ATXN1: variants seen among roughly 807,000 people sequenced by gnomAD.
ATXN1 encodes the protein ataxin 1.
A neutral mutation model predicts 56.4 loss-of-function variants in ATXN1; 8 were observed. The ratio of observed to expected loss-of-function variants is 0.14; its 90% CI spans 0.08 to 0.26. The LOEUF is 0.26. Among genes scored for constraint, ATXN1 ranks in the 10% least tolerant of loss-of-function variants. The pLI is 1.00. For missense variants in ATXN1, 987 were observed against 1,106.5 expected, an observed-to-expected ratio of 0.89 and a Z score of 1.53; for synonymous variants, 514 against 494.6, an observed-to-expected ratio of 1.04 and a Z score of -0.52.
intron 6 of ATXN1, among the ~76,000 whole-genome samples, chr6:16,390,447 A>G (rs757575160): frequency 5.3e-5 from 8 of 151,970 alleles, no homozygotes; most frequent in South Asian, 4.2e-4. Context: ...TACTATTTCC[A>G]TAACTGCCCA....
intron 6 of ATXN1, among the ~76,000 whole-genome samples, chr6:16,331,076 C>T (rs1406060495): frequency 6.6e-6 from 1 of 152,138 alleles, no homozygotes; most frequent in African/African-American, 2.4e-5. Context: ...TCTCGGCTCA[C>T]TGCAACCTCC....
intron 6 of ATXN1, among the ~76,000 whole-genome samples, chr6:16,332,352 AAAG>A (rs529707470): frequency 5.2e-4 from 79 of 152,352 alleles, no homozygotes; most frequent in African/African-American, 1.8e-3. Flanking sequence ...ACTAAACAAC[AAAG>A]AAGTAACTTA....
Position 16,751,030 on chromosome 6 carries a change from G to A in ATXN1, c.-615+2203C>T, listed in dbSNP as rs143568749. On this transcript the variant is annotated intron_variant, in intron 2 of 7. Transcript: ENST00000436367. Reference sequence around the variant, plus strand: ...GTCGCCCAGGCTGGAGTGCAGTGGCGAGACCTGGGCTCACTGCAACCTCTG... The same window carrying A: ...GTCGCCCAGGCTGGAGTGCAGTGGCAAGACCTGGGCTCACTGCAACCTCTG... 5.2e-3 allele frequency among the ~76,000 whole-genome samples: 775 copies of A among 149,110 alleles called. 7 individuals carry two copies. The highest frequency in any genetic ancestry group is 0.013 in the African/African-American group (519 of 40,276).
intron 2 of ATXN1, among the ~76,000 whole-genome samples, chr6:16,732,289 G>A (rs932589050): frequency 2.0e-5 from 3 of 152,178 alleles, no homozygotes; most frequent in Middle Eastern, 3.4e-3. Context: ...ATATCACTCC[G>A]GCCGGGTGTG....
At chr6:16,559,749 C>T (rs9477163) in intron 4 of ATXN1, among the ~76,000 whole-genome samples, 1 of 151,820 alleles carries the variant, frequency 6.6e-6, no homozygotes, top group Non-Finnish European at 1.5e-5. Context: ...AATATTAATG[C>T]TTCAAAAAGA....
chr6:16,602,740 G>A (rs1762934898), intron 3 of ATXN1, among the ~76,000 whole-genome samples: 1 of 152,184 alleles, frequency 6.6e-6, no homozygotes, highest in Admixed American at 6.5e-5. Flanking sequence ...GTGAGCCACT[G>A]AGCCTGGCCG....
intron 3 of ATXN1, among the ~76,000 whole-genome samples, chr6:16,654,954 A>G (rs187731486): frequency 6.6e-6 from 1 of 152,350 alleles, no homozygotes; most frequent in African/African-American, 2.4e-5. Context: ...TGAAACCCCA[A>G]TAATGCATCA....
intron 4 of ATXN1, among the ~76,000 whole-genome samples, chr6:16,541,702 G>A (rs189853899): frequency 2.0e-5 from 3 of 152,158 alleles, no homozygotes; most frequent in South Asian, 2.1e-4. Context: ...TCCTGACACC[G>A]CCAAATCAGA....
chr6:16,663,021 G>A (rs1758353483), intron 2 of ATXN1, among the ~76,000 whole-genome samples: 1 of 138,716 alleles, frequency 7.2e-6, no homozygotes, highest in East Asian at 2.1e-4. Flanking sequence ...TGCCCAGGCT[G>A]TAGTGCAATG....
chr6:16,412,294 G>C (rs114413734), intron 6 of ATXN1, among the ~76,000 whole-genome samples: 3,362 of 152,294 alleles, frequency 0.022, 53 homozygotes, highest in Non-Finnish European at 0.036. Context: ...GTCTTAACAA[G>C]TGAGAGACTA....
At chr6:16,320,320 T>C (rs1020103852) in intron 7 of ATXN1, among the ~76,000 whole-genome samples, 10 of 151,720 alleles carry the variant, frequency 6.6e-5, no homozygotes, top group African/African-American at 2.4e-4. Flanking sequence ...ACAGGCACAC[T>C]CACACCCACG....
At chr6:16,362,590 A>G (rs777723842) in intron 6 of ATXN1, among the ~76,000 whole-genome samples, 2 of 152,336 alleles carry the variant, frequency 1.3e-5, no homozygotes, top group South Asian at 4.1e-4. Context: ...TCCCACCAGC[A>G]GCACCAGGAA....
At chr6:16,312,182 A>G (rs749036377) in intron 7 of ATXN1, among the ~76,000 whole-genome samples, 5 of 152,234 alleles carry the variant, frequency 3.3e-5, no homozygotes, top group Non-Finnish European at 7.3e-5. Flanking sequence ...AGAAATGTCT[A>G]CAAGCCCTTT....
intron 6 of ATXN1, among the ~76,000 whole-genome samples, chr6:16,390,300 T>G (rs550546051): frequency 6.6e-6 from 1 of 152,186 alleles, no homozygotes; most frequent in East Asian, 1.9e-4. Flanking sequence ...CAGTATCTGT[T>G]GTCCTATCAC....
chr6:16,462,140 T>G (rs1760011872), intron 6 of ATXN1, among the ~76,000 whole-genome samples: 1 of 152,040 alleles, frequency 6.6e-6, no homozygotes, highest in Non-Finnish European at 1.5e-5. Context: ...GTTGGTCAAG[T>G]CCCTCCCCTC....
intron 6 of ATXN1, among the ~76,000 whole-genome samples, chr6:16,384,669 A>G (rs1204429790): frequency 6.6e-6 from 1 of 152,126 alleles, no homozygotes; most frequent in Non-Finnish European, 1.5e-5. Context: ...CATGATAGTG[A>G]GTTCTCATGA....
At chr6:16,629,202 G>C (rs1035281358) in intron 3 of ATXN1, among the ~76,000 whole-genome samples, 2 of 152,266 alleles carry the variant, frequency 1.3e-5, no homozygotes, top group South Asian at 4.1e-4. Flanking sequence ...TTGTGCTTTT[G>C]ATTTGCGTTG....
At chr6:16,441,249 A>C (rs1207321748) in intron 6 of ATXN1, among the ~76,000 whole-genome samples, 2 of 152,184 alleles carry the variant, frequency 1.3e-5, no homozygotes, top group Non-Finnish European at 2.9e-5. Context: ...CATGGCAGTA[A>C]TAATTTAGCC....
At chr6:16,350,442 G>A (rs1252189283) in intron 6 of ATXN1, among the ~76,000 whole-genome samples, 4 of 152,196 alleles carry the variant, frequency 2.6e-5, no homozygotes, top group Admixed American at 2.0e-4. Context: ...CATGCACTCC[G>A]GTTCCATATT....
Sources: gnomAD v4.1 joint callset for allele counts (sites outside exome capture counted in the v4.1 genomes callset) on GRCh38, gnomAD v4.1.1 for gene constraint, MANE v1.5 for transcripts, NCBI Gene and HGNC (gene_info 2026-07-23, HGNC 2026-07-21) for gene names.